The following PREP variants were observed in gnomAD, a reference collection of about 807,000 sequenced individuals.
PREP encodes the protein dJ355L5.1 (prolyl endopeptidase).
Under a neutral mutation model 87.6 loss-of-function variants are expected in PREP, and 29 were observed. The observed-to-expected ratio is 0.33, with a 90% CI of 0.25 to 0.45. The LOEUF is 0.45. Ranked by LOEUF, PREP falls within the 20% of genes least tolerant of loss-of-function variation. The pLI is 1.00. For missense variants in PREP, 695 were observed against 886.5 expected (o/e 0.78, Z 2.74); for synonymous variants, 337 against 328.6 (o/e 1.03, Z -0.28).
chr6:105,293,015 T>C (rs1309702104), intron 10 of PREP, among the ~76,000 whole-genome samples: 2 of 152,220 alleles, frequency 1.3e-5, no homozygotes, highest in Non-Finnish European at 2.9e-5. Context: ...TGATCTTCTA[T>C]CCAGACCACT....
At chr6:105,305,853 T>C (rs59318615) in intron 10 of PREP, among the ~76,000 whole-genome samples, 2 of 143,038 alleles carry the variant, frequency 1.4e-5, no homozygotes, top group African/African-American at 6.0e-5. Flanking sequence ...TCTTTTTTTT[T>C]TGGGGGGGAC....
At chr6:105,388,766 C>T (rs1275606740) in intron 2 of PREP, among the ~76,000 whole-genome samples, 6 of 152,170 alleles carry the variant, frequency 3.9e-5, no homozygotes, top group African/African-American at 9.6e-5. Flanking sequence ...TCTACTACAG[C>T]AGGGATACAT....
intron 7 of PREP, among the ~76,000 whole-genome samples, chr6:105,339,325 G>A (rs529553248): frequency 6.6e-6 from 1 of 152,332 alleles, no homozygotes; most frequent in East Asian, 1.9e-4. Flanking sequence ...TGAGGGTCCT[G>A]ACTGTTAGAA....
At chr6:105,364,286 C>T (rs755264746) in intron 6 of PREP, among the ~76,000 whole-genome samples, 3 of 152,306 alleles carry the variant, frequency 2.0e-5, no homozygotes, top group Non-Finnish European at 2.9e-5. Flanking sequence ...CGGGAAGACA[C>T]GCTGTCACAG....
At chr6:105,324,884 C>T (rs892943914) in intron 9 of PREP, among the ~76,000 whole-genome samples, 29 of 152,170 alleles carry the variant, frequency 1.9e-4, no homozygotes, top group African/African-American at 7.0e-4. Flanking sequence ...CTCATGATTG[C>T]AGACAAACTG....
rs947411701 is a variant in PREP, at chr6:105,390,761, A to C, written c.120+7092T>G. 2.6e-5 allele frequency among the ~76,000 whole-genome samples: 4 copies of C among 152,326 alleles called. No homozygotes were observed. In the East Asian group the frequency reaches 7.7e-4, roughly 29 times the overall value. ...AAACCAAGCCAGAAAAGTAAAGAGA[A>C]GAAAGTATCACTATCAGGAAGGGGA... On this transcript the variant is annotated intron_variant, in intron 2 of 14. Transcript: ENST00000652536.
At chr6:105,393,530 C>T (rs547025550) in intron 2 of PREP, among the ~76,000 whole-genome samples, 64 of 152,216 alleles carry the variant, frequency 4.2e-4, no homozygotes, top group Non-Finnish European at 7.8e-4. Flanking sequence ...GCAAATCTAA[C>T]GCTGATATGA....
At position 105,278,105 on chromosome 6, in the gene PREP, A is replaced by C; in HGVS notation, c.*39T>G. On this transcript the variant is annotated 3_prime_UTR_variant, in exon 15 of 15. Transcript: ENST00000652536. The surrounding 1 kb of genome is among the most constrained non-coding windows in gnomAD (Gnocchi z 4.2). Reference sequence around the variant, plus strand: ...TGGTGTCAACGTGGGAAAGCCCTTGAGGTTTTCTGTCGCTGTCAGGAGGAA... The same window carrying C: ...TGGTGTCAACGTGGGAAAGCCCTTGCGGTTTTCTGTCGCTGTCAGGAGGAA... 1 of 1,579,390 alleles carries C rather than the reference A, an allele frequency of 6.3e-7. No homozygotes were observed. Among genetic ancestry groups the C allele is most frequent in the Non-Finnish European group, 8.6e-7 (1 of 1,159,360 alleles).
chr6:105,302,737 G>A (rs146922207), intron 10 of PREP: 8,016 of 506,984 alleles, frequency 0.016, 143 homozygotes, highest in Middle Eastern at 0.038. Flanking sequence ...TGCGCAGCTG[G>A]GACAGCTCCA....
intron 6 of PREP, among the ~76,000 whole-genome samples, chr6:105,362,235 C>T (rs1267182761): frequency 2.6e-5 from 4 of 152,046 alleles, no homozygotes; most frequent in Admixed American, 6.6e-5. Context: ...CCGAGGCAGC[C>T]GAATCATTTG....
At chr6:105,365,580 G>A (rs1772364364) in intron 6 of PREP, among the ~76,000 whole-genome samples, 1 of 152,124 alleles carries the variant, frequency 6.6e-6, no homozygotes, top group Non-Finnish European at 1.5e-5. Context: ...ACTCCTCCAT[G>A]TAGCAAGATG....
chr6:105,304,533 C>T (rs1027955146), intron 10 of PREP, among the ~76,000 whole-genome samples: 72 of 152,160 alleles, frequency 4.7e-4, no homozygotes, highest in Non-Finnish European at 9.8e-4. Context: ...ATCCCCTCCC[C>T]CTCCTCTGGG....
chr6:105,301,132 C>T (rs1770525540), intron 10 of PREP, among the ~76,000 whole-genome samples: 1 of 152,236 alleles, frequency 6.6e-6, no homozygotes, highest in South Asian at 2.1e-4. Flanking sequence ...GAGATGTGCT[C>T]ATCTATGAAA....
At chr6:105,349,971 A>G (rs1220732057) in intron 7 of PREP, among the ~76,000 whole-genome samples, 1 of 151,098 alleles carries the variant, frequency 6.6e-6, no homozygotes, top group Non-Finnish European at 1.5e-5. Context: ...GGGCATACAG[A>G]CCCCTGAATT....
intron 2 of PREP, among the ~76,000 whole-genome samples, chr6:105,380,553 C>G (rs1209031905): frequency 7.2e-5 from 11 of 152,184 alleles, no homozygotes; most frequent in Admixed American, 7.2e-4. Context: ...GGGTGAGAGA[C>G]AAGGCCAAGA....
chr6:105,327,939 T>C (rs1390624471), intron 9 of PREP, among the ~76,000 whole-genome samples: 6 of 152,030 alleles, frequency 3.9e-5, no homozygotes, highest in African/African-American at 1.2e-4. Context: ...GCAAAATGAA[T>C]GTGACCAATT....
intron 10 of PREP, among the ~76,000 whole-genome samples, chr6:105,301,361 G>T (rs1362703316): frequency 6.6e-6 from 1 of 152,232 alleles, no homozygotes; most frequent in Non-Finnish European, 1.5e-5. Context: ...TGAGTCCACA[G>T]GCAGCATGCA....
At position 105,328,883 on chromosome 6, in the gene PREP, C is replaced by T. The variant is rs752657011; in HGVS notation, c.1159G>A (p.Gly387Ser). The T allele has an allele frequency of 1.9e-6, 3 of 1,614,034 alleles. No individual in the cohort carries two copies. Among genetic ancestry groups the T allele is most frequent in the South Asian group, 1.1e-5 (1 of 91,058 alleles). The change falls in exon 9 of 15, where the codon GGT becomes AGT. Residue 387 changes from glycine (G) to serine (S), a missense_variant. This residue lies in a region of PREP where 517 missense variants were observed against 620.3 expected (regional missense o/e 0.83). Transcript: ENST00000652536. ...AAGATTTCAGTGTCCTTCTTCTGAC[C>T]GCTGTACCCTACAATGCTGCCGACA... Reference protein sequence around the residue: ...LDVGSIVGYSGQKKDTEIFYQ... With the variant: ...LDVGSIVGYSSQKKDTEIFYQ...
intron 7 of PREP, among the ~76,000 whole-genome samples, chr6:105,350,017 T>C (rs1298011505): frequency 1.3e-5 from 2 of 151,216 alleles, no homozygotes; most frequent in African/African-American, 4.9e-5. Context: ...ACATGTTCCC[T>C]CACAGTCTTC....
Sources: gnomAD v4.1 joint callset for allele counts (sites outside exome capture counted in the v4.1 genomes callset) on GRCh38, gnomAD v4.1.1 for gene constraint, gnomAD v4.1.1 regional missense constraint, Gnocchi (gnomAD v3.1) non-coding constraint, MANE v1.5 for transcripts, NCBI Gene and HGNC (gene_info 2026-07-23, HGNC 2026-07-21) for gene names.